Variants in NCOA3 observed in about 807,000 individuals in gnomAD.
NCOA3 encodes the protein nuclear receptor coactivator 3.
In NCOA3, 51 loss-of-function variants were observed where a neutral mutation model predicts 158.8. That is an observed-to-expected ratio of 0.32 (90% CI 0.26 to 0.41). The LOEUF (loss-of-function observed/expected upper bound fraction) is 0.41, where lower values mean the gene tolerates loss of function less well. Among genes scored for constraint, NCOA3 ranks in the 10% least tolerant of loss-of-function variants. The pLI is 1.00. For synonymous variants in NCOA3, 537 were observed against 592.4 expected (o/e 0.91, Z 1.36); for missense variants, 1,510 against 1,746.6 (o/e 0.86, Z 2.41).
chr20:47,635,275 A>G, intron 10 of NCOA3, 47 bp from the exon 11 acceptor site: 6 of 1,504,474 alleles, frequency 4.0e-6, no homozygotes, highest in South Asian at 2.6e-5. Flanking sequence ...AAAAGCTTTC[A>G]TGCATGCTTA....
At chr20:47,640,568 C>T (rs576829183) in intron 16 of NCOA3, among the ~76,000 whole-genome samples, 165 of 152,172 alleles carry the variant, frequency 1.1e-3, no homozygotes, top group African/African-American at 3.7e-3. Flanking sequence ...TATATAGCAT[C>T]TTTAAAATTT....
chr20:47,560,939 G>A (rs2085091440), intron 1 of NCOA3, among the ~76,000 whole-genome samples: 1 of 144,910 alleles, frequency 6.9e-6, no homozygotes, highest in Non-Finnish European at 1.5e-5. Context: ...AGTGTACACT[G>A]TGCCCAATAT....
chr20:47,511,550 T>TATATATATATATACACACACACACACAC, intron 1 of NCOA3, among the ~76,000 whole-genome samples: 3 of 52,270 alleles, frequency 5.7e-5, no homozygotes, highest in Non-Finnish European at 1.2e-4. Context: ...TATATATATA[T>TATATATATATATACACACACACACACAC]ATATATTTCT....
At position 47,628,027 on chromosome 20, in the gene NCOA3, A is replaced by G. The variant is rs1477745797; in HGVS notation, c.823+4A>G. 4 of 1,608,298 alleles carry G rather than the reference A, an allele frequency of 2.5e-6. No homozygotes were observed. In the African/African-American group the frequency reaches 4.0e-5, roughly 16 times the overall value. ...ATTACCAGACATGATCTTTCAGGTA[A>G]AAACTCTTTTTTTGTCTCTCTCTCT... On this transcript the variant is annotated splice_donor_region_variant and intron_variant, in intron 8 of 22. Coordinates refer to ENST00000371998, the MANE Select transcript of NCOA3 (RefSeq NM_181659.3).
At chr20:47,541,855 A>G (rs574094176) in intron 1 of NCOA3, among the ~76,000 whole-genome samples, 7 of 144,916 alleles carry the variant, frequency 4.8e-5, no homozygotes, top group African/African-American at 1.9e-4. Context: ...TCAGTTTTCT[A>G]GTTCTCCTCA....
At chr20:47,643,201 A>C (rs2086638549) in intron 17 of NCOA3, among the ~76,000 whole-genome samples, 1 of 152,282 alleles carries the variant, frequency 6.6e-6, no homozygotes, top group Admixed American at 6.5e-5. Flanking sequence ...GGCGTGAGCC[A>C]CCGTGCCCAG....
chr20:47,524,575 G>A (rs1157448983), intron 1 of NCOA3, among the ~76,000 whole-genome samples: 1 of 152,136 alleles, frequency 6.6e-6, no homozygotes, highest in East Asian at 1.9e-4. Context: ...GTGGTTTTAA[G>A]GAGCAGAAGG....
chr20:47,586,016 G>A (rs759118101), intron 2 of NCOA3, among the ~76,000 whole-genome samples: 12 of 151,258 alleles, frequency 7.9e-5, no homozygotes, highest in Non-Finnish European at 1.5e-4. Context: ...CACTTCCAGG[G>A]TCAAGTGATT....
chr20:47,561,814 T>C lies in NCOA3; in HGVS notation c.-98-21369T>C, dbSNP rs1366628766. Reference sequence around the variant, plus strand: ...CTTACATTAGGGTTAATTCATAGAATGTTGTATATTCTGTGAGTTTAGGCA... The same window carrying C: ...CTTACATTAGGGTTAATTCATAGAACGTTGTATATTCTGTGAGTTTAGGCA... On this transcript the variant is annotated intron_variant, in intron 1 of 22. Coordinates refer to ENST00000371998, the MANE Select transcript of NCOA3 (RefSeq NM_181659.3). Among the ~76,000 whole-genome samples the C allele has an allele frequency of 3.3e-5, 5 of 152,170 alleles. No individual in the cohort carries two copies. In the East Asian group the frequency reaches 5.8e-4, roughly 18 times the overall value.
chr20:47,520,666 C>G (rs140407500), intron 1 of NCOA3, among the ~76,000 whole-genome samples: 1 of 152,180 alleles, frequency 6.6e-6, no homozygotes, highest in Non-Finnish European at 1.5e-5. Flanking sequence ...GATGTCTTGT[C>G]TTGCCTTGCC....
chr20:47,564,989 G>T (rs1373999396), intron 1 of NCOA3, among the ~76,000 whole-genome samples: 2 of 147,624 alleles, frequency 1.4e-5, no homozygotes, highest in East Asian at 3.9e-4. Context: ...TAGGGTGGTG[G>T]TTTTTTTTTT....
intron 2 of NCOA3, among the ~76,000 whole-genome samples, chr20:47,609,980 A>G (rs2086018260): frequency 6.6e-6 from 1 of 152,158 alleles, no homozygotes; most frequent in South Asian, 2.1e-4. Flanking sequence ...TTGGAGAGGA[A>G]TGGAGAGGGT....
At position 47,628,486 on chromosome 20, in the gene NCOA3, A is replaced by T. The variant is rs528925981; in HGVS notation, c.823+463A>T. On this transcript the variant is annotated intron_variant, in intron 8 of 22. Transcript: ENST00000371998. ...GAGTGCAATGGTGCGATCTCGGCTC[A>T]CTGCAACCTCCACTTCTTGGGTTCA... The T allele has an allele frequency of 2.0e-5, 3 of 148,546 alleles. No individual in the cohort carries two copies. The East Asian group carries it at 5.9e-4, about 29-fold the overall frequency. 9.2% of individuals were successfully genotyped at this position (148,546 alleles called of 1,614,324 possible).
At chr20:47,613,435 T>C (rs1486781359) in intron 2 of NCOA3, among the ~76,000 whole-genome samples, 1 of 151,736 alleles carries the variant, frequency 6.6e-6, no homozygotes, top group Non-Finnish European at 1.5e-5. Context: ...TTTATCCCTG[T>C]TTTCTGGGGC....
At chr20:47,536,000 G>T (rs1249376655) in intron 1 of NCOA3, among the ~76,000 whole-genome samples, 1 of 152,108 alleles carries the variant, frequency 6.6e-6, no homozygotes, top group Non-Finnish European at 1.5e-5. Context: ...GTGTCTGTCA[G>T]TGTGCTGTTC....
chr20:47,639,915 G>C lies in NCOA3; in HGVS notation c.2954-10G>C, dbSNP rs759630682. The C allele has an allele frequency of 9.3e-6, 15 of 1,613,180 alleles. No individual in the cohort carries two copies. The African/African-American group carries it at 1.7e-4, about 19-fold the overall frequency. On this transcript the variant is annotated splice_polypyrimidine_tract_variant and intron_variant, in intron 15 of 22. Coordinates refer to ENST00000371998, the MANE Select transcript of NCOA3 (RefSeq NM_181659.3). ...ATTTGAGAATTTGTGCTTTCTTTTTGCTCCCCCAGGGCCTGGTGAAATCCC... is the reference window on the plus strand; with the variant it reads ...ATTTGAGAATTTGTGCTTTCTTTTTCCTCCCCCAGGGCCTGGTGAAATCCC...
chr20:47,522,505 G>T (rs1404931494), intron 1 of NCOA3, among the ~76,000 whole-genome samples: 1 of 151,436 alleles, frequency 6.6e-6, no homozygotes, highest in Admixed American at 6.6e-5. Flanking sequence ...ACAGAAGGAG[G>T]GGGGCTCCAA....
intron 17 of NCOA3, among the ~76,000 whole-genome samples, chr20:47,643,243 G>A (rs2086639244): frequency 6.6e-6 from 1 of 152,218 alleles, no homozygotes; most frequent in Non-Finnish European, 1.5e-5. Context: ...GGCTATGGAG[G>A]GGCCACTGTA....
intron 2 of NCOA3, among the ~76,000 whole-genome samples, chr20:47,585,404 T>G (rs2085521121): frequency 6.6e-6 from 1 of 152,172 alleles, no homozygotes; most frequent in African/African-American, 2.4e-5. Flanking sequence ...AAAAGCTGTC[T>G]AGTTGCCGAG....
Sources: allele counts gnomAD v4.1 joint callset (sites outside exome capture counted in the v4.1 genomes callset), GRCh38; gene constraint gnomAD v4.1.1; transcripts MANE v1.5; gene names NCBI Gene and HGNC (gene_info 2026-07-23, HGNC 2026-07-21).